KCTD2: variants seen among roughly 807,000 people sequenced by gnomAD.
KCTD2 encodes the protein BTB/POZ domain-containing protein KCTD2.
KCTD2 carries 18 observed loss-of-function variants against 27.9 expected under a neutral mutation model. The observed-to-expected ratio is 0.64, with a 90% CI of 0.45 to 0.96. The LOEUF is 0.96. Among genes scored for constraint, KCTD2 ranks in the 40% least tolerant of loss-of-function variants. KCTD2 has a pLI of 0.00. For missense variants in KCTD2, 280 were observed against 348.0 expected (o/e 0.80, Z 1.56); for synonymous variants, 175 against 148.4 (o/e 1.18, Z -1.30).
At chr17:75,055,862 G>T (rs1378966160) in intron 3 of KCTD2, among the ~76,000 whole-genome samples, 1 of 150,684 alleles carries the variant, frequency 6.6e-6, no homozygotes, top group Non-Finnish European at 1.5e-5. Context: ...AAGAAACCCT[G>T]TCTACTAAAA....
At chr17:75,048,834 A>G (rs1484990485) in intron 1 of KCTD2, 1 of 158,256 alleles carries the variant, frequency 6.3e-6, no homozygotes, top group Non-Finnish European at 1.4e-5. Context: ...CAGAATGTCC[A>G]TCTCAAGCAA....
chr17:75,039,065 T>A (rs1567986515), intron 3 of KCTD2: 1 of 1,613,866 alleles, frequency 6.2e-7, no homozygotes, highest in Non-Finnish European at 8.5e-7. Context: ...CTTCTCCATC[T>A]GGAAAGAGGG....
chr17:75,055,789 G>A (rs937628334), intron 3 of KCTD2, among the ~76,000 whole-genome samples: 8 of 150,364 alleles, frequency 5.3e-5, no homozygotes, highest in Non-Finnish European at 1.2e-4. Flanking sequence ...CCGAGATCAC[G>A]CCATTGCACT....
chr17:75,057,841 G>A (rs566670853), intron 3 of KCTD2, among the ~76,000 whole-genome samples: 98 of 152,016 alleles, frequency 6.4e-4, no homozygotes, highest in Non-Finnish European at 1.1e-3. Context: ...GATTATAGGC[G>A]TGAGTCACTG....
intron 2 of KCTD2, among the ~76,000 whole-genome samples, chr17:75,034,465 C>G (rs1053988494): frequency 6.6e-6 from 1 of 152,212 alleles, no homozygotes; most frequent in Non-Finnish European, 1.5e-5. Flanking sequence ...CAATCCCTGG[C>G]TTAGGAGGCC....
At chr17:75,047,955 C>CT (rs1180007508) in intron 1 of KCTD2, among the ~76,000 whole-genome samples, 4 of 152,282 alleles carry the variant, frequency 2.6e-5, no homozygotes, top group African/African-American at 9.6e-5. Context: ...CCCCCACTGC[C>CT]GGTGCCAGAT....
At chr17:75,061,218 ACAGT>A (rs1210505760) in intron 4 of KCTD2, among the ~76,000 whole-genome samples, 1 of 152,308 alleles carries the variant, frequency 6.6e-6, no homozygotes, top group African/African-American at 2.4e-5. Flanking sequence ...CCATCCTACC[ACAGT>A]CAGCCATGCC....
chr17:75,060,755 G>A (rs944318854), intron 4 of KCTD2: 51 of 642,378 alleles, frequency 7.9e-5, no homozygotes, highest in Middle Eastern at 4.3e-4. Flanking sequence ...GATTTTATAC[G>A]GATTATGCCT....
chr17:75,062,865 G>A (rs2073418485), intron 5 of KCTD2, among the ~76,000 whole-genome samples, 153 bp from the exon 6 acceptor site: 1 of 152,162 alleles, frequency 6.6e-6, no homozygotes, highest in South Asian at 2.1e-4. Flanking sequence ...TTTCGCACCA[G>A]AAGCACTGCG....
At chr17:75,033,521 T>TC (rs1166024166) in intron 1 of KCTD2, among the ~76,000 whole-genome samples, 3 of 152,214 alleles carry the variant, frequency 2.0e-5, no homozygotes, top group Non-Finnish European at 2.9e-5. Flanking sequence ...ACTTGTCTGT[T>TC]CTCCTTCACT....
At chr17:75,044,163 T>C (rs2073188868), upstream of KCTD2, among the ~76,000 whole-genome samples, 1 of 149,442 alleles carries the variant, frequency 6.7e-6, no homozygotes, top group Admixed American at 6.6e-5. Flanking sequence ...TAGCTGGGAT[T>C]ACAGGCACCC....
chr17:75,039,092 A>G (rs2073130850), intron 3 of KCTD2: 2 of 1,613,156 alleles, frequency 1.2e-6, no homozygotes, highest in East Asian at 4.5e-5. Context: ...TGTTTAGTTA[A>G]TGTAAACAGA....
intron 5 of KCTD2, 145 bp downstream of exon 5, chr17:75,062,390 C>T: frequency 6.5e-6 from 5 of 765,046 alleles, no homozygotes; most frequent in South Asian, 2.2e-5. Flanking sequence ...TTATTTTTGA[C>T]TGTTGTAATT....
upstream of KCTD2, among the ~76,000 whole-genome samples, chr17:75,046,229 C>G (rs1185113323): frequency 6.6e-6 from 1 of 152,022 alleles, no homozygotes; most frequent in Non-Finnish European, 1.5e-5. Context: ...ATTATAGGGG[C>G]CTTCCACCAC....
chr17:75,062,874 C>T (rs759467100), intron 5 of KCTD2, 144 bp from the exon 6 acceptor site: 6 of 783,380 alleles, frequency 7.7e-6, no homozygotes, highest in South Asian at 4.7e-5. Context: ...AGAAGCACTG[C>T]GGGTGAGGCT....
In KCTD2 at chr17:75,062,141, T is replaced by C; in HGVS notation, c.658T>C (p.Tyr220His). 6.2e-7 allele frequency: 1 copy of C among 1,614,118 alleles called. No individual in the cohort carries two copies. Among genetic ancestry groups the C allele is most frequent in the Non-Finnish European group, 8.5e-7 (1 of 1,179,960 alleles). The change falls in exon 5 of 6, where the codon TAT becomes CAT. Residue 220 changes from tyrosine to histidine, a missense_variant. Coordinates refer to ENST00000322444, the MANE Select transcript of KCTD2 (RefSeq NM_015353.3). ...FEQLISIGSS[Y>H]NYGNEDQAEF... ...TCAGCTCATCAGCATCGGATCTTCC[T>C]ATAACTACGGCAATGAGGATCAGGC...
intron 2 of KCTD2, chr17:75,035,207 T>A (rs905325930): frequency 1.3e-5 from 2 of 152,066 alleles, no homozygotes; most frequent in Admixed American, 6.5e-5. Flanking sequence ...TCCCTGCAAC[T>A]ATAATCTTCC....
upstream of KCTD2, chr17:75,042,350 C>G (rs150876625): frequency 2.6e-6 from 4 of 1,549,670 alleles, no homozygotes; most frequent in Non-Finnish European, 2.7e-6. Flanking sequence ...TTTTCCTATC[C>G]CTTCTTCCTA....
intron 3 of KCTD2, chr17:75,039,105 C>A (rs148579788): frequency 1.2e-6 from 2 of 1,612,312 alleles, no homozygotes; most frequent in South Asian, 1.1e-5. Context: ...TAAACAGAGA[C>A]GGAAAGCAGA....
Sources: allele counts gnomAD v4.1 joint callset (sites outside exome capture counted in the v4.1 genomes callset), GRCh38; gene constraint gnomAD v4.1.1; transcripts MANE v1.5; gene names NCBI Gene and HGNC (gene_info 2026-07-23, HGNC 2026-07-21).